OPHN1: variants seen among roughly 807,000 people sequenced by gnomAD.
OPHN1 encodes oligophrenin 1.
Under a neutral mutation model 60.7 loss-of-function variants are expected in OPHN1, and 11 were observed. The observed-to-expected ratio is 0.18, with a 90% confidence interval of 0.11 to 0.30. The LOEUF (loss-of-function observed/expected upper bound fraction) is 0.30, where lower values mean the gene tolerates loss of function less well. Among genes scored for constraint, OPHN1 ranks in the 10% least tolerant of loss-of-function variants. The pLI, the probability that OPHN1 is intolerant of heterozygous loss-of-function variation, is 1.00. For missense variants in OPHN1, 449 were observed against 611.0 expected (o/e 0.73, Z 2.80); for synonymous variants, 226 against 222.6 (o/e 1.02, Z -0.14).
chrX:68,252,913 T>C (rs1029276785), intron 5 of OPHN1, among the ~76,000 whole-genome samples: 12 of 110,684 alleles, frequency 1.1e-4, no homozygotes, highest in Non-Finnish European at 3.8e-5. Flanking sequence ...GCCAGTTTCC[T>C]GGGGAGTTTT....
intron 2 of OPHN1, among the ~76,000 whole-genome samples, chrX:68,392,692 G>A: frequency 9.1e-6 from 1 of 109,393 alleles, no homozygotes; most frequent in Middle Eastern, 4.7e-3. Flanking sequence ...AAGCAGACGA[G>A]GAGACAAGCA....
chrX:68,354,483 C>T (rs1363107478), intron 2 of OPHN1, among the ~76,000 whole-genome samples: 11 of 93,832 alleles, frequency 1.2e-4, no homozygotes, highest in Non-Finnish European at 1.9e-4. Flanking sequence ...AAAAGTCGGG[C>T]GCGGTGGCTC....
chrX:68,246,207 G>C lies in OPHN1; in HGVS notation c.385-11619C>G, dbSNP rs767513435. Reference sequence around the variant, plus strand: ...AACCATCCTGAGGTACCATACCTCCGTTTTAAAATAATGTCAACTCTTGAG... The same window carrying C: ...AACCATCCTGAGGTACCATACCTCCCTTTTAAAATAATGTCAACTCTTGAG... On this transcript the variant is annotated intron_variant, in intron 5 of 24. Transcript: ENST00000355520. 2.7e-5 allele frequency among the ~76,000 whole-genome samples: 3 copies of C among 111,934 alleles called. No individual in the cohort carries two copies. In the South Asian group the frequency reaches 1.1e-3, roughly 41 times the overall value.
At chrX:68,108,848 G>T (rs1210220064) in intron 18 of OPHN1, among the ~76,000 whole-genome samples, 1 of 110,249 alleles carries the variant, frequency 9.1e-6, no homozygotes, top group Non-Finnish European at 1.9e-5. Flanking sequence ...TTTCTTTTTT[G>T]GATATGTAAA....
rs768513543 is a variant in OPHN1, at chrX:68,240,682, G to A, written c.385-6094C>T. On this transcript the variant is annotated intron_variant, in intron 5 of 24. Coordinates refer to ENST00000355520, the MANE Select transcript of OPHN1 (RefSeq NM_002547.3). The stretch of plus-strand genomic sequence containing the variant: ...CTTTCAATAACTAATTTTTGGCTTT[G>A]TTAATTACCTCTACCATTTTTTATT... Among the ~76,000 whole-genome samples, 40 of 111,311 alleles carry A rather than the reference G, an allele frequency of 3.6e-4. No homozygotes were observed. In the East Asian group the frequency reaches 0.011, roughly 31 times the overall value.
rs191882038 is a variant in OPHN1, at chrX:68,182,781, G to A, written c.1276+10138C>T. ...ACAAAAATTATCCAGGCCTGGTGGC[G>A]GGTGCCTGTAGTCCCAGCTACTCTG... On this transcript the variant is annotated intron_variant, in intron 15 of 24. Coordinates refer to ENST00000355520, the MANE Select transcript of OPHN1 (RefSeq NM_002547.3). 4.1e-3 allele frequency among the ~76,000 whole-genome samples: 452 copies of A among 111,323 alleles called. 3 individuals carry two copies. Among genetic ancestry groups the A allele is most frequent in the Non-Finnish European group, 7.0e-3 (370 of 52,986 alleles).
chrX:68,138,767 A>C, intron 15 of OPHN1, among the ~76,000 whole-genome samples: 1 of 112,411 alleles, frequency 8.9e-6, no homozygotes, highest in Non-Finnish European at 1.9e-5. Context: ...ACAATCTACA[A>C]ATAAGGAGAA....
intron 2 of OPHN1, among the ~76,000 whole-genome samples, chrX:68,411,247 C>T (rs868603378): frequency 1.8e-5 from 2 of 111,762 alleles, no homozygotes; most frequent in Non-Finnish European, 3.8e-5. Flanking sequence ...TTGTCACCCA[C>T]GTAATAAGCA....
intron 23 of OPHN1, among the ~76,000 whole-genome samples, chrX:68,051,840 G>A (rs1252027448): frequency 8.0e-5 from 9 of 111,952 alleles, no homozygotes; most frequent in Non-Finnish European, 1.5e-4. Flanking sequence ...AGAGAGAGAT[G>A]AAGAAATGAA....
intron 13 of OPHN1, 108 bp from the exon 14 acceptor site, chrX:68,194,060 G>A (rs2077500595): frequency 4.5e-6 from 3 of 673,078 alleles, no homozygotes; most frequent in Non-Finnish European, 7.2e-6. Context: ...AGGGTTTTTA[G>A]TTGCTCATTT....
intron 5 of OPHN1, among the ~76,000 whole-genome samples, chrX:68,266,583 T>A (rs1017361783): frequency 1.4e-4 from 16 of 111,374 alleles, no homozygotes; most frequent in Non-Finnish European, 2.8e-4. Context: ...CATGCCAAAT[T>A]GTAAAGACTA....
chrX:68,194,081 T>A (rs1458205525), intron 13 of OPHN1, 129 bp from the exon 14 acceptor site: 1 of 560,874 alleles, frequency 1.8e-6, no homozygotes, highest in Non-Finnish European at 3.0e-6. Context: ...CTAGTCACCC[T>A]TAAATGGAAA....
At chrX:68,129,608 T>C (rs972518075) in intron 15 of OPHN1, among the ~76,000 whole-genome samples, 1 of 112,166 alleles carries the variant, frequency 8.9e-6, no homozygotes, top group Non-Finnish European at 1.9e-5. Context: ...CTCTCAAATG[T>C]GTTCTCACAC....
intron 2 of OPHN1, among the ~76,000 whole-genome samples, chrX:68,333,842 A>T (rs2078308266): frequency 9.4e-6 from 1 of 106,313 alleles, no homozygotes; most frequent in Non-Finnish European, 1.9e-5. Context: ...TCCTAATCAC[A>T]CTCTTAAGGA....
intron 18 of OPHN1, among the ~76,000 whole-genome samples, chrX:68,103,910 T>C (rs1021861834): frequency 8.9e-6 from 1 of 111,951 alleles, no homozygotes; most frequent in African/African-American, 3.2e-5. Flanking sequence ...CATGATTGTA[T>C]ATTTAGAAAA....
chrX:68,156,303 G>GT (rs1358345379), intron 15 of OPHN1, among the ~76,000 whole-genome samples: 1 of 66,019 alleles, frequency 1.5e-5, no homozygotes, highest in Non-Finnish European at 2.7e-5. Context: ...GAAGGAAGAG[G>GT]TAAAAAAAAA....
At chrX:68,422,433 G>A (rs899250597) in intron 2 of OPHN1, among the ~76,000 whole-genome samples, 1 of 106,997 alleles carries the variant, frequency 9.3e-6, no homozygotes, top group African/African-American at 3.4e-5. Flanking sequence ...TGAGGTGGGA[G>A]TATCGCTTGG....
intron 15 of OPHN1, among the ~76,000 whole-genome samples, chrX:68,169,377 T>C (rs1038188500): frequency 9.0e-6 from 1 of 111,227 alleles, no homozygotes; most frequent in African/African-American, 3.3e-5. Context: ...ATAGATTTAA[T>C]GCCATCCCCA....
intron 2 of OPHN1, among the ~76,000 whole-genome samples, chrX:68,313,778 G>T (rs1252207395): frequency 1.8e-5 from 2 of 111,586 alleles, no homozygotes; most frequent in Non-Finnish European, 3.8e-5. Flanking sequence ...ATCTAGTACT[G>T]AATAGCACAA....
Sources: allele counts gnomAD v4.1 joint callset (sites outside exome capture counted in the v4.1 genomes callset), GRCh38; gene constraint gnomAD v4.1.1; transcripts MANE v1.5; gene names NCBI Gene and HGNC (gene_info 2026-07-23, HGNC 2026-07-21).